Variants in FAM114A1 observed in about 807,000 individuals in gnomAD.
FAM114A1 encodes the protein protein NOXP20.
In FAM114A1, 62 loss-of-function variants were observed where a neutral mutation model predicts 64.3. The observed-to-expected ratio is 0.96, with a 90% confidence interval of 0.79 to 1.19. FAM114A1 has a LOEUF of 1.19. FAM114A1 is among the 50% of genes most tolerant of loss of function. The pLI, the probability that FAM114A1 is intolerant of heterozygous loss-of-function variation, is 0.00. For missense variants in FAM114A1, 645 were observed against 676.3 expected (o/e 0.95, Z 0.51); for synonymous variants, 254 against 251.1 (o/e 1.01, Z -0.11).
intron 6 of FAM114A1, among the ~76,000 whole-genome samples, chr4:38,907,435 T>C (rs1292893230): frequency 6.6e-6 from 1 of 152,218 alleles, no homozygotes; most frequent in African/African-American, 2.4e-5. Flanking sequence ...CCTCCAAGTC[T>C]ATCCTTAACA....
chr4:38,929,504 C>G (rs1720452903), intron 10 of FAM114A1, among the ~76,000 whole-genome samples, 171 bp downstream of exon 10: 1 of 152,192 alleles, frequency 6.6e-6, no homozygotes, highest in Non-Finnish European at 1.5e-5. Context: ...AGGGGCTGGG[C>G]ACGTGGCTCA....
At chr4:38,917,549 T>G (rs1414009574) in intron 8 of FAM114A1, among the ~76,000 whole-genome samples, 1 of 152,236 alleles carries the variant, frequency 6.6e-6, no homozygotes, top group Non-Finnish European at 1.5e-5. Flanking sequence ...CTGAATAATG[T>G]ACACATGTTG....
intron 12 of FAM114A1, among the ~76,000 whole-genome samples, chr4:38,934,676 T>C (rs964676791): frequency 2.0e-5 from 3 of 152,210 alleles, no homozygotes; most frequent in African/African-American, 7.2e-5. Flanking sequence ...AGTGTTAGGA[T>C]AAATGTTGTT....
chr4:38,887,852 C>T (rs960658565), intron 3 of FAM114A1, among the ~76,000 whole-genome samples: 1 of 152,164 alleles, frequency 6.6e-6, no homozygotes, highest in Non-Finnish European at 1.5e-5. Context: ...TTCATCCTCC[C>T]AGCTGTCATA....
intron 4 of FAM114A1, among the ~76,000 whole-genome samples, chr4:38,896,266 C>T (rs1053742599): frequency 1.3e-5 from 2 of 152,110 alleles, no homozygotes; most frequent in African/African-American, 2.4e-5. Flanking sequence ...CCCACCTCCT[C>T]CCCCCAAAAT....
At chr4:38,867,931 C>T (rs751126294) in intron 1 of FAM114A1, 97 bp downstream of exon 1, 2 of 242,894 alleles carry the variant, frequency 8.2e-6, no homozygotes, top group South Asian at 3.9e-5. Flanking sequence ...CATACCTTGG[C>T]GCCTCGTCCG....
At chr4:38,875,653 T>G (rs1275132365) in intron 2 of FAM114A1, among the ~76,000 whole-genome samples, 1 of 152,206 alleles carries the variant, frequency 6.6e-6, no homozygotes, top group Non-Finnish European at 1.5e-5. Context: ...TTTATTTCGT[T>G]CTCTTGTCTG....
At chr4:38,876,344 A>G (rs184772507) in intron 2 of FAM114A1, among the ~76,000 whole-genome samples, 34 of 151,558 alleles carry the variant, frequency 2.2e-4, no homozygotes, top group Non-Finnish European at 3.8e-4. Flanking sequence ...TAATTTTTGT[A>G]TTTTTAGTAG....
intron 9 of FAM114A1, among the ~76,000 whole-genome samples, chr4:38,923,801 T>C (rs79346620): frequency 0.2 from 30,571 of 152,004 alleles, 3,233 homozygotes; most frequent in Middle Eastern, 0.3. Flanking sequence ...TAACTTGACC[T>C]CAAGGAGATT....
chr4:38,919,917 C>A (rs1265822176), intron 8 of FAM114A1, among the ~76,000 whole-genome samples: 1 of 152,036 alleles, frequency 6.6e-6, no homozygotes. Context: ...TAAAGAGAAA[C>A]TAATCATTTT....
intron 2 of FAM114A1, among the ~76,000 whole-genome samples, chr4:38,875,561 A>G (rs1472371009): frequency 2.6e-5 from 4 of 152,200 alleles, no homozygotes; most frequent in Non-Finnish European, 4.4e-5. Context: ...CAGATCTAGG[A>G]GCCTTTGGGC....
intron 4 of FAM114A1, among the ~76,000 whole-genome samples, chr4:38,894,162 C>CAAA (rs60660305): frequency 1.2e-5 from 1 of 80,386 alleles, no homozygotes; most frequent in African/African-American, 5.1e-5. Context: ...GAGTATGTCT[C>CAAA]AAAAAAAAAA....
At chr4:38,915,290 G>A (rs1409690041) in intron 8 of FAM114A1, among the ~76,000 whole-genome samples, 2 of 151,948 alleles carry the variant, frequency 1.3e-5, no homozygotes, top group Non-Finnish European at 2.9e-5. Context: ...CTCCAAAAAG[G>A]CCTGCACAGT....
chr4:38,880,274 T>G lies in FAM114A1; in HGVS notation c.348+1848T>G, dbSNP rs528467489. Among the ~76,000 whole-genome samples, 295 of 152,236 alleles carry G rather than the reference T, an allele frequency of 1.9e-3. 1 individual carries two copies. The highest frequency in any genetic ancestry group is 6.7e-3 in the African/African-American group (280 of 41,534). On this transcript the variant is annotated intron_variant, in intron 3 of 14. Coordinates refer to ENST00000358869, the MANE Select transcript of FAM114A1 (RefSeq NM_138389.4). Reference sequence around the variant, plus strand: ...AAAGTACCCCAAGTGGTTGTAATGTTTGGCCAGGATTGAGAATAATTAGTT... The same window carrying G: ...AAAGTACCCCAAGTGGTTGTAATGTGTGGCCAGGATTGAGAATAATTAGTT...
At chr4:38,905,682 T>A in intron 5 of FAM114A1, 47 bp downstream of exon 5, 2 of 1,607,742 alleles carry the variant, frequency 1.2e-6, no homozygotes, top group Non-Finnish European at 1.7e-6. Flanking sequence ...TATTACACCA[T>A]GTGCATAATC....
chr4:38,914,199 C>T (rs1361759509), intron 7 of FAM114A1, among the ~76,000 whole-genome samples: 1 of 152,060 alleles, frequency 6.6e-6, no homozygotes, highest in African/African-American at 2.4e-5. Flanking sequence ...AAAGTTAATC[C>T]TGTCATAAGA....
At chr4:38,903,082 C>G (rs935631529) in intron 4 of FAM114A1, among the ~76,000 whole-genome samples, 2 of 151,756 alleles carry the variant, frequency 1.3e-5, no homozygotes, top group Non-Finnish European at 2.9e-5. Context: ...TAAAAGGGTA[C>G]TTTCCCTAAC....
intron 7 of FAM114A1, among the ~76,000 whole-genome samples, chr4:38,913,223 G>C (rs530959248): frequency 6.6e-6 from 1 of 152,256 alleles, no homozygotes; most frequent in East Asian, 1.9e-4. Context: ...AAGATGCTTA[G>C]AATCAAAAAC....
At chr4:38,917,952 C>T (rs1017961931) in intron 8 of FAM114A1, among the ~76,000 whole-genome samples, 2 of 152,150 alleles carry the variant, frequency 1.3e-5, no homozygotes, top group East Asian at 3.9e-4. Context: ...CGCGGTGACT[C>T]ACGCCTGTAA....
Sources: allele counts gnomAD v4.1 joint callset (sites outside exome capture counted in the v4.1 genomes callset), GRCh38; gene constraint gnomAD v4.1.1; transcripts MANE v1.5; gene names NCBI Gene and HGNC (gene_info 2026-07-23, HGNC 2026-07-21).